RPRD1A: variants seen among roughly 807,000 people sequenced by gnomAD.
RPRD1A encodes the protein regulation of nuclear pre-mRNA domain-containing protein 1A.
Under a neutral mutation model 37.8 loss-of-function variants are expected in RPRD1A, and 9 were observed. That is an observed-to-expected ratio of 0.24 (90% CI 0.14 to 0.42). The LOEUF (loss-of-function observed/expected upper bound fraction) is 0.42, where lower values mean the gene tolerates loss of function less well. RPRD1A is among the 10% of genes least tolerant of loss of function. RPRD1A has a pLI of 1.00. For missense variants in RPRD1A, 255 were observed against 371.0 expected (o/e 0.69, Z 2.57); for synonymous variants, 138 against 139.7 (o/e 0.99, Z 0.08).
At chr18:36,058,020 T>A (rs1051028558) in intron 1 of RPRD1A, among the ~76,000 whole-genome samples, 6 of 152,220 alleles carry the variant, frequency 3.9e-5, no homozygotes, top group Non-Finnish European at 8.8e-5. Flanking sequence ...CAAGTATTTC[T>A]TGAATAAAGA....
At chr18:36,000,200 A>G (rs1909332185) in intron 6 of RPRD1A, among the ~76,000 whole-genome samples, 2 of 152,214 alleles carry the variant, frequency 1.3e-5, no homozygotes, top group Admixed American at 1.3e-4. Context: ...TCTGGGAAAC[A>G]AATGCTCAAA....
intron 1 of RPRD1A, among the ~76,000 whole-genome samples, chr18:36,039,818 G>T (rs1414922034): frequency 6.6e-6 from 1 of 151,994 alleles, no homozygotes; most frequent in African/African-American, 2.4e-5. Flanking sequence ...CTTCTACATG[G>T]AAAGCAGCAG....
At chr18:36,031,929 T>C (rs919697072) in intron 2 of RPRD1A, among the ~76,000 whole-genome samples, 3 of 152,182 alleles carry the variant, frequency 2.0e-5, no homozygotes, top group Admixed American at 2.0e-4. Flanking sequence ...CCCTAATACC[T>C]AGTACCATAC....
At chr18:35,997,213 T>G (rs1363691884) in intron 6 of RPRD1A, among the ~76,000 whole-genome samples, 1 of 152,152 alleles carries the variant, frequency 6.6e-6, no homozygotes, top group Non-Finnish European at 1.5e-5. Context: ...CTTTCCATAC[T>G]TCCAAGTGCC....
intron 6 of RPRD1A, among the ~76,000 whole-genome samples, chr18:36,009,568 G>A (rs1402116967): frequency 6.6e-6 from 1 of 152,026 alleles, no homozygotes; most frequent in Non-Finnish European, 1.5e-5. Flanking sequence ...GCCTATTCTG[G>A]GGCACCCACA....
At chr18:36,015,967 C>A (rs1910542285) in intron 6 of RPRD1A, among the ~76,000 whole-genome samples, 1 of 152,106 alleles carries the variant, frequency 6.6e-6, no homozygotes, top group Non-Finnish European at 1.5e-5. Flanking sequence ...GTGTATTTTA[C>A]CTGAAGTTTT....
intron 6 of RPRD1A, among the ~76,000 whole-genome samples, chr18:35,998,319 G>C (rs567623986): frequency 6.6e-6 from 1 of 152,034 alleles, no homozygotes; most frequent in Non-Finnish European, 1.5e-5. Context: ...TTGCACCGTT[G>C]CACTCAAGCA....
At chr18:36,042,965 T>TGGATAC (rs1912689366) in intron 1 of RPRD1A, among the ~76,000 whole-genome samples, 2 of 152,148 alleles carry the variant, frequency 1.3e-5, no homozygotes, top group Admixed American at 6.5e-5. Context: ...GATATGGATA[T>TGGATAC]ATTTCTCATA....
rs116690640 is a variant in RPRD1A, at chr18:36,058,130, G to A, written c.151+9124C>T. Among the ~76,000 whole-genome samples, 536 of 152,246 alleles carry A rather than the reference G, an allele frequency of 3.5e-3. 7 individuals carry two copies. The highest frequency in any genetic ancestry group is 0.012 in the African/African-American group (512 of 41,548). On this transcript the variant is annotated intron_variant, in intron 1 of 6. Transcript: ENST00000399022. ...CAGATCATGGCTCATTGCAACCTCT[G>A]CCTCCAGACTCAAGCAATCCTCCTA...
intron 1 of RPRD1A, among the ~76,000 whole-genome samples, chr18:36,037,277 A>C (rs1912258211): frequency 7.0e-6 from 1 of 142,564 alleles, no homozygotes; most frequent in Non-Finnish European, 1.6e-5. Flanking sequence ...GTGGGAGATA[A>C]CTGATCATGG....
chr18:36,036,863 C>T (rs1912225707), intron 1 of RPRD1A, among the ~76,000 whole-genome samples: 1 of 152,134 alleles, frequency 6.6e-6, no homozygotes, highest in East Asian at 1.9e-4. Flanking sequence ...CCACTGTTGG[C>T]AACAAAGAAT....
chr18:36,067,269 G>A lies in RPRD1A; in HGVS notation c.136C>T (p.Arg46Trp). Residue 46 changes from arginine to tryptophan, a missense_variant, in exon 1 of 7, where the codon CGG becomes TGG. By Grantham distance (101) the Arg-to-Trp change is moderately radical. Transcript: ENST00000399022. ...GTTGACTCACCTTTCCGCAGCTCCC[G>A]CTCCCACACGGTGACGATGGGACGC... ...HSRPIVTVWE[R>W]ELRKAKPNRK... 1 of 1,592,642 alleles carries A rather than the reference G, an allele frequency of 6.3e-7. No individual in the cohort carries two copies. The highest frequency in any genetic ancestry group is 1.7e-5 in the Admixed American group (1 of 57,260).
chr18:36,055,480 T>C (rs73946763), intron 1 of RPRD1A, among the ~76,000 whole-genome samples: 4,541 of 152,342 alleles, frequency 0.03, 227 homozygotes, highest in African/African-American at 0.1. Flanking sequence ...AACTTACATG[T>C]GCATTTCATG....
chr18:36,050,291 G>C (rs1913289786), intron 1 of RPRD1A, among the ~76,000 whole-genome samples: 1 of 151,724 alleles, frequency 6.6e-6, no homozygotes, highest in Admixed American at 6.6e-5. Flanking sequence ...AGGCGGGAGT[G>C]CAGTGGCACA....
At chr18:36,012,625 T>C (rs1910248712) in intron 6 of RPRD1A, among the ~76,000 whole-genome samples, 1 of 152,138 alleles carries the variant, frequency 6.6e-6, no homozygotes, top group South Asian at 2.1e-4. Flanking sequence ...AATGAAAAAA[T>C]GCCTAACTAT....
At chr18:36,036,697 G>T (rs958674310) in intron 1 of RPRD1A, among the ~76,000 whole-genome samples, 1 of 152,054 alleles carries the variant, frequency 6.6e-6, no homozygotes, top group African/African-American at 2.4e-5. Flanking sequence ...AATAATTAAT[G>T]GCGGTAATCA....
chr18:36,032,640 A>C (rs2144300149), intron 2 of RPRD1A, among the ~76,000 whole-genome samples: 2 of 152,362 alleles, frequency 1.3e-5, no homozygotes, highest in Admixed American at 1.3e-4. Context: ...ATGGTAACTA[A>C]AAGGGAAAGA....
intron 6 of RPRD1A, among the ~76,000 whole-genome samples, chr18:36,013,325 A>G (rs937388433): frequency 3.3e-5 from 5 of 152,222 alleles, no homozygotes; most frequent in African/African-American, 1.2e-4. Context: ...AACCATAGGA[A>G]ATAGTGAAGG....
chr18:36,015,291 C>A lies in RPRD1A; in HGVS notation c.789+11609G>T, dbSNP rs182134072. ...GCAGTGGCGTGATCTCCGCTCACTG[C>A]AACCTCAGCCTCCCGGGTTCAAGTG... On this transcript the variant is annotated intron_variant, in intron 6 of 6. Coordinates refer to ENST00000399022, the MANE Select transcript of RPRD1A (RefSeq NM_018170.5). Among the ~76,000 whole-genome samples, 465 of 151,464 alleles carry A rather than the reference C, an allele frequency of 3.1e-3. 1 individual carries two copies. The highest frequency in any genetic ancestry group is 0.011 in the African/African-American group (452 of 41,216).
Sources: gnomAD v4.1 joint callset for allele counts (sites outside exome capture counted in the v4.1 genomes callset) on GRCh38, gnomAD v4.1.1 for gene constraint, MANE v1.5 for transcripts, NCBI Gene and HGNC (gene_info 2026-07-23, HGNC 2026-07-21) for gene names.